The following NEGR1 variants were observed in gnomAD, a reference collection of about 807,000 sequenced individuals.
NEGR1 encodes the protein neuronal growth regulator 1.
NEGR1 carries 10 observed loss-of-function variants against 40.9 expected under a neutral mutation model. That is an observed-to-expected ratio of 0.24 (90% CI 0.15 to 0.42). NEGR1 has a LOEUF of 0.42. Among genes scored for constraint, NEGR1 ranks in the 10% least tolerant of loss-of-function variants. The pLI is 1.00. For synonymous variants in NEGR1, 185 were observed against 166.8 expected (o/e 1.11, Z -0.84); for missense variants, 352 against 438.9 (o/e 0.80, Z 1.77).
rs114373420 is a variant in NEGR1 at position 71,898,089 on chromosome 1, T to C, written c.409+36990A>G. Among the ~76,000 whole-genome samples the C allele has an allele frequency of 6.3e-3, 955 of 152,314 alleles. 8 individuals carry two copies. Among genetic ancestry groups the C allele is most frequent in the African/African-American group, 0.022 (914 of 41,558 alleles). ...TAATAATGAAAGAATACTCATTATCTAGGAATTACTGCGAGTCTGTAAACA... is the reference window on the plus strand; with the variant it reads ...TAATAATGAAAGAATACTCATTATCCAGGAATTACTGCGAGTCTGTAAACA... On this transcript the variant is annotated intron_variant, in intron 2 of 6. Transcript: ENST00000357731.
chr1:71,857,885 T>C (rs367820801), intron 2 of NEGR1, among the ~76,000 whole-genome samples: 1 of 152,046 alleles, frequency 6.6e-6, no homozygotes, highest in Admixed American at 6.6e-5. Context: ...GATTTGTTTT[T>C]GAAAGACTTG....
chr1:71,639,490 T>G (rs1006268615), intron 4 of NEGR1, among the ~76,000 whole-genome samples: 1 of 152,074 alleles, frequency 6.6e-6, no homozygotes, highest in African/African-American at 2.4e-5. Context: ...AGGCAGCTTG[T>G]GGGTGAGTCT....
chr1:71,847,547 T>G (rs917430306), intron 2 of NEGR1, among the ~76,000 whole-genome samples: 1 of 152,200 alleles, frequency 6.6e-6, no homozygotes, highest in African/African-American at 2.4e-5. Context: ...CTCTTGTAAT[T>G]GTTTTAATTG....
intron 6 of NEGR1, among the ~76,000 whole-genome samples, chr1:71,445,973 C>T (rs1187425715): frequency 1.3e-5 from 2 of 152,104 alleles, no homozygotes; most frequent in East Asian, 3.9e-4. Context: ...AATTCTTCAC[C>T]ATATTTTTTA....
At chr1:71,490,375 C>T (rs2101384116) in intron 6 of NEGR1, among the ~76,000 whole-genome samples, 1 of 152,024 alleles carries the variant, frequency 6.6e-6, no homozygotes, top group East Asian at 1.9e-4. Flanking sequence ...CATGGCCAAA[C>T]ACATTCTTCA....
chr1:72,041,963 T>C (rs1346080463), intron 1 of NEGR1, among the ~76,000 whole-genome samples: 5 of 144,540 alleles, frequency 3.5e-5, no homozygotes, highest in African/African-American at 1.3e-4. Context: ...ATATATATTA[T>C]ATATAAATAT....
At position 72,253,190 on chromosome 1, in the gene NEGR1, T is replaced by A. The variant is rs115006519; in HGVS notation, c.176+29129A>T. 7.3e-3 allele frequency among the ~76,000 whole-genome samples: 1,115 copies of A among 152,286 alleles called. 16 individuals carry two copies. The highest frequency in any genetic ancestry group is 0.025 in the African/African-American group (1,041 of 41,548). On this transcript the variant is annotated intron_variant, in intron 1 of 6. Transcript: ENST00000357731. ...GATACTGGACAACATAATGTTCCATTGCCTCATTTGTCATCTCTTCCTATT... is the reference window on the plus strand; with the variant it reads ...GATACTGGACAACATAATGTTCCATAGCCTCATTTGTCATCTCTTCCTATT...
rs1268019976 is a variant in NEGR1 at position 72,111,986 on chromosome 1, TC to T, written c.176+170332del. 4.0e-5 allele frequency among the ~76,000 whole-genome samples: 6 copies of T among 151,808 alleles called. No homozygotes were observed. In the East Asian group the frequency reaches 1.2e-3, roughly 30 times the overall value. On this transcript the variant is annotated intron_variant, in intron 1 of 6. Coordinates refer to ENST00000357731, the MANE Select transcript of NEGR1 (RefSeq NM_173808.3). ...TCCACTTAGGTGACGATCATTAAGT[TC>T]TTATAGTAATTCTGTGAAGGGAGAT...
chr1:72,091,622 G>T (rs1266065514), intron 1 of NEGR1, among the ~76,000 whole-genome samples: 1 of 152,014 alleles, frequency 6.6e-6, no homozygotes, highest in Non-Finnish European at 1.5e-5. Flanking sequence ...TGCAGAGTAG[G>T]GAGAACTGAT....
At chr1:71,920,883 A>G (rs1434756512) in intron 2 of NEGR1, among the ~76,000 whole-genome samples, 2 of 152,136 alleles carry the variant, frequency 1.3e-5, no homozygotes, top group Non-Finnish European at 2.9e-5. Context: ...TATTTTTCTT[A>G]AAGTTTCAGT....
chr1:72,168,937 T>C (rs1045163171), intron 1 of NEGR1, among the ~76,000 whole-genome samples: 16 of 151,914 alleles, frequency 1.1e-4, no homozygotes, highest in Non-Finnish European at 2.1e-4. Context: ...ACTAAGAAAC[T>C]AGAATGTGCG....
At chr1:71,661,180 T>C (rs892407311) in intron 4 of NEGR1, among the ~76,000 whole-genome samples, 4 of 152,232 alleles carry the variant, frequency 2.6e-5, no homozygotes, top group Admixed American at 2.6e-4. Flanking sequence ...TGTGTCTTTA[T>C]AGTAGAATGA....
At chr1:71,431,137 G>A in intron 6 of NEGR1, among the ~76,000 whole-genome samples, 2 of 149,214 alleles carry the variant, frequency 1.3e-5, no homozygotes, top group Non-Finnish European at 3.0e-5. Flanking sequence ...TTATGATCAG[G>A]CAATAAATAT....
In NEGR1 at chr1:71,668,526, G is replaced by C. The variant is rs112271038; in HGVS notation, c.667+29482C>G. Among the ~76,000 whole-genome samples the C allele has an allele frequency of 5.2e-3, 789 of 152,242 alleles. 6 individuals carry two copies. The highest frequency in any genetic ancestry group is 0.031 in the Middle Eastern group (9 of 294). On this transcript the variant is annotated intron_variant, in intron 4 of 6. Transcript: ENST00000357731. ...TGATAGAATATTTGCCTTTGAGAGA[G>C]AAACGTCGTTAAAGCTTCATTGGTA...
intron 1 of NEGR1, among the ~76,000 whole-genome samples, chr1:72,204,941 CA>C (rs753264631): frequency 7.1e-4 from 108 of 152,068 alleles, no homozygotes; most frequent in Non-Finnish European, 1.3e-3. Flanking sequence ...GAAGGGCACA[CA>C]ACAATGCTTA....
At chr1:71,457,972 G>T (rs1445234254) in intron 6 of NEGR1, among the ~76,000 whole-genome samples, 3 of 152,280 alleles carry the variant, frequency 2.0e-5, no homozygotes, top group East Asian at 3.9e-4. Context: ...AAAGTGCTGG[G>T]ATTACAGGCG....
chr1:72,280,620 G>A (rs1159799322), intron 1 of NEGR1, among the ~76,000 whole-genome samples: 1 of 151,942 alleles, frequency 6.6e-6, no homozygotes, highest in Non-Finnish European at 1.5e-5. Flanking sequence ...TAATATCAAA[G>A]ATATTAGTTA....
intron 1 of NEGR1, among the ~76,000 whole-genome samples, chr1:72,016,935 A>AT (rs1221533786): frequency 3.9e-5 from 6 of 152,176 alleles, no homozygotes; most frequent in African/African-American, 1.4e-4. Context: ...TTTGAGCATG[A>AT]TTTTATACAT....
intron 1 of NEGR1, among the ~76,000 whole-genome samples, chr1:72,161,676 C>CT (rs779074685): frequency 0.22 from 18,191 of 84,564 alleles, 3,077 homozygotes; most frequent in Non-Finnish European, 0.24. Context: ...TTCTTTCTTT[C>CT]TTTTTTTTTT....
Sources: allele counts gnomAD v4.1 joint callset (sites outside exome capture counted in the v4.1 genomes callset), GRCh38; gene constraint gnomAD v4.1.1; transcripts MANE v1.5; gene names NCBI Gene and HGNC (gene_info 2026-07-23, HGNC 2026-07-21).